Variants in CRB1 observed in about 807,000 individuals in gnomAD.
CRB1 encodes protein crumbs homolog 1.
In CRB1, 83 loss-of-function variants were observed where a neutral mutation model predicts 120.0. That is an observed-to-expected ratio of 0.69 (90% confidence interval 0.58 to 0.83). The LOEUF is 0.83. Ranked by LOEUF, CRB1 falls within the 40% of genes least tolerant of loss-of-function variation. The pLI, the probability that CRB1 is intolerant of heterozygous loss-of-function variation, is 0.00. For missense variants in CRB1, 1,699 were observed against 1,687.6 expected (o/e 1.01, Z -0.12); for synonymous variants, 625 against 612.5 (o/e 1.02, Z -0.30).
intron 1 of CRB1, among the ~76,000 whole-genome samples, chr1:197,326,117 T>C (rs945972941): frequency 1.3e-5 from 2 of 152,214 alleles, no homozygotes; most frequent in African/African-American, 4.8e-5. Flanking sequence ...CATATACATA[T>C]GCATAGTTTT....
At chr1:197,430,457 T>C (rs1202922901) in intron 8 of CRB1, among the ~76,000 whole-genome samples, 2 of 152,140 alleles carry the variant, frequency 1.3e-5, no homozygotes, top group East Asian at 1.9e-4. Context: ...CCAGTTACCA[T>C]CCCATTTCTC....
intron 2 of CRB1, among the ~76,000 whole-genome samples, chr1:197,335,550 G>A (rs1659102307): frequency 6.6e-6 from 1 of 151,904 alleles, no homozygotes; most frequent in Non-Finnish European, 1.5e-5. Context: ...CCAGGCTGGA[G>A]TGCAGTGGTG....
chr1:197,268,622 C>A, intron 1 of CRB1, 140 bp downstream of exon 1: 1 of 664,034 alleles, frequency 1.5e-6, no homozygotes, highest in Non-Finnish European at 2.6e-6. Context: ...TTTTAAGTGT[C>A]CTGTGTTAAA....
intron 5 of CRB1, chr1:197,357,490 A>G (rs1403122422): frequency 4.9e-6 from 1 of 203,702 alleles, no homozygotes; most frequent in East Asian, 1.2e-4. Context: ...TTTTTTTTTC[A>G]CAACTTGCTT....
At chr1:197,356,747 T>C in intron 4 of CRB1, 84 bp from the exon 5 acceptor site, 1 of 1,345,942 alleles carries the variant, frequency 7.4e-7, no homozygotes. Context: ...TCAATGCCAG[T>C]ATAGCAGTCA....
At chr1:197,211,800 A>G in the CRB1 span, among the ~76,000 whole-genome samples, 1 of 104,016 alleles carries the variant, frequency 9.6e-6, no homozygotes, top group Non-Finnish European at 2.3e-5. Flanking sequence ...AAATGCATCA[A>G]TATTAAAATT....
Position 197,478,225 on chromosome 1 carries a change from G to GTTTCTGTAC in CRB1, c.*355_*363dup. 3.1e-6 allele frequency: 1 copy of GTTTCTGTAC among 325,454 alleles called. No homozygotes were observed. The highest frequency in any genetic ancestry group is 7.7e-5 in the East Asian group (1 of 12,922). 20.2% of individuals were successfully genotyped at this position (325,454 alleles called of 1,614,324 possible). On this transcript the variant is annotated 3_prime_UTR_variant, in exon 12 of 12. Transcript: ENST00000367400. ...GAACAAATTTTAGTTTTCATTTTAG[G>GTTTCTGTAC]TTTCTGTACTTTCTGTAGTTTCTGT...
intron 5 of CRB1, among the ~76,000 whole-genome samples, chr1:197,384,644 A>G (rs1421465446): frequency 6.6e-6 from 1 of 152,114 alleles, no homozygotes; most frequent in Non-Finnish European, 1.5e-5. Context: ...AGTCCTCAAC[A>G]TTGACAATAA....
chr1:197,439,566 A>G (rs536230442), intron 10 of CRB1: 1 of 152,356 alleles, frequency 6.6e-6, no homozygotes, highest in South Asian at 2.1e-4. Flanking sequence ...ATGTGCCAGC[A>G]TAACTGTATG....
the CRB1 span, among the ~76,000 whole-genome samples, chr1:197,228,048 C>T: frequency 6.6e-6 from 1 of 152,168 alleles, no homozygotes; most frequent in Non-Finnish European, 1.5e-5. Context: ...AGGCTTCACA[C>T]AGCACAAGGT....
At chr1:197,471,822 A>C (rs1245735258) in intron 11 of CRB1, among the ~76,000 whole-genome samples, 2 of 152,214 alleles carry the variant, frequency 1.3e-5, no homozygotes, top group African/African-American at 4.8e-5. Context: ...CTCATAAGAT[A>C]TAGTTCAAGG....
chr1:197,477,665 T>C lies in CRB1; in HGVS notation c.4007T>C (p.Leu1336Ser), dbSNP rs1446420925. The change falls in exon 12 of 12, where the codon TTG becomes TCG. Residue 1336 changes from leucine (L) to serine (S), a missense_variant and splice_region_variant. By Grantham distance (145) the Leu-to-Ser change is moderately radical. Coordinates refer to ENST00000367400, the MANE Select transcript of CRB1 (RefSeq NM_201253.3). Reference sequence around the variant, plus strand: ...TCCCAATGATTTCAATCTTTCCAGTTGGCAGATGACTTGATCTCCGACATT... The same window carrying C: ...TCCCAATGATTTCAATCTTTCCAGTCGGCAGATGACTTGATCTCCGACATT... ...AFAGERCEVD[L>S]ADDLISDIFT... is the part of the protein sequence containing the mutation. 6.2e-7 allele frequency: 1 copy of C among 1,613,594 alleles called. No homozygotes were observed. The highest frequency in any genetic ancestry group is 2.2e-5 in the East Asian group (1 of 44,886).
At chr1:197,417,581 A>G (rs1476427822) in intron 5 of CRB1, among the ~76,000 whole-genome samples, 1 of 152,194 alleles carries the variant, frequency 6.6e-6, no homozygotes, top group Admixed American at 6.5e-5. Flanking sequence ...GCCGCCAGTA[A>G]AAAGAGAGGC....
At chr1:197,353,877 A>G (rs1215741950) in intron 4 of CRB1, among the ~76,000 whole-genome samples, 1 of 149,462 alleles carries the variant, frequency 6.7e-6, no homozygotes, top group African/African-American at 2.4e-5. Flanking sequence ...AACACTTGAT[A>G]TTATCCTATT....
chr1:197,392,237 AAAC>A (rs1364236049), intron 5 of CRB1, among the ~76,000 whole-genome samples: 1 of 151,884 alleles, frequency 6.6e-6, no homozygotes, highest in Non-Finnish European at 1.5e-5. Flanking sequence ...CAAGGCAAAA[AAAC>A]AAAGATATAC....
At chr1:197,268,527 C>G (rs1558018859) in intron 1 of CRB1, 45 bp downstream of exon 1, 2 of 1,328,918 alleles carry the variant, frequency 1.5e-6, no homozygotes, top group Middle Eastern at 1.8e-4. Context: ...TTATTTCTGG[C>G]TTATTATATT....
At chr1:197,356,331 T>C (rs1660479224) in intron 4 of CRB1, among the ~76,000 whole-genome samples, 1 of 152,234 alleles carries the variant, frequency 6.6e-6, no homozygotes, top group Non-Finnish European at 1.5e-5. Context: ...TTATTCCTGG[T>C]CCTAATAAAA....
chr1:197,309,636 C>G (rs1436361061), intron 1 of CRB1, among the ~76,000 whole-genome samples: 1 of 152,046 alleles, frequency 6.6e-6, no homozygotes, highest in African/African-American at 2.4e-5. Flanking sequence ...CGCCTGTAGT[C>G]CCAGCTATGC....
At chr1:197,400,393 C>G (rs537670294) in intron 5 of CRB1, among the ~76,000 whole-genome samples, 1 of 151,282 alleles carries the variant, frequency 6.6e-6, no homozygotes. Flanking sequence ...CTCACTGCAG[C>G]CTGCAGCCTC....
Sources: gnomAD v4.1 joint callset for allele counts (sites outside exome capture counted in the v4.1 genomes callset) on GRCh38, gnomAD v4.1.1 for gene constraint, MANE v1.5 for transcripts, NCBI Gene and HGNC (gene_info 2026-07-23, HGNC 2026-07-21) for gene names.